CELF4: variants seen among roughly 807,000 people sequenced by gnomAD.
CELF4 encodes the protein CUG-BP- and ETR-3-like factor 4.
A neutral mutation model predicts 59.9 loss-of-function variants in CELF4; 18 were observed. That is an observed-to-expected ratio of 0.30 (90% CI 0.21 to 0.45). CELF4 has a LOEUF of 0.45. Ranked by LOEUF, CELF4 falls within the 20% of genes least tolerant of loss-of-function variation. The probability of loss-of-function intolerance (pLI) is 1.00; values close to 1 mark genes in which losing one functional copy is unlikely to be tolerated. For missense variants in CELF4, 456 were observed against 689.0 expected, an observed-to-expected ratio of 0.66 and a Z score of 3.79; for synonymous variants, 261 against 267.1, an observed-to-expected ratio of 0.98 and a Z score of 0.22.
At chr18:37,364,062 A>G (rs2154561431) in intron 2 of CELF4, among the ~76,000 whole-genome samples, 1 of 152,276 alleles carries the variant, frequency 6.6e-6, no homozygotes, top group South Asian at 2.1e-4. Flanking sequence ...TGCCTGGTGG[A>G]GGTCTTTGTT....
At chr18:37,430,612 G>T (rs1443868403) in intron 2 of CELF4, among the ~76,000 whole-genome samples, 3 of 152,220 alleles carry the variant, frequency 2.0e-5, no homozygotes, top group South Asian at 4.1e-4. Flanking sequence ...TTAGGGCCTG[G>T]TTTTTGCAAA....
chr18:37,370,502 C>T (rs992777444), intron 2 of CELF4, among the ~76,000 whole-genome samples: 13 of 152,188 alleles, frequency 8.5e-5, no homozygotes, highest in African/African-American at 3.1e-4. Flanking sequence ...TACATCCTGA[C>T]AACAGTCCCA....
intron 2 of CELF4, among the ~76,000 whole-genome samples, chr18:37,409,459 C>A (rs1048919290): frequency 1.3e-5 from 2 of 152,188 alleles, no homozygotes; most frequent in Non-Finnish European, 2.9e-5. Context: ...TTTTGGGACA[C>A]CCCTTGCTGT....
intron 3 of CELF4, among the ~76,000 whole-genome samples, chr18:37,293,523 A>G (rs974951367): frequency 6.6e-6 from 1 of 152,056 alleles, no homozygotes; most frequent in Non-Finnish European, 1.5e-5. Flanking sequence ...ACTTGATTAC[A>G]TTTGCAAATA....
chr18:37,458,567 G>A (rs911730634), intron 2 of CELF4, among the ~76,000 whole-genome samples: 2 of 152,214 alleles, frequency 1.3e-5, no homozygotes, highest in Non-Finnish European at 2.9e-5. Flanking sequence ...CAGTATCTCT[G>A]TTATAACTTG....
At chr18:37,385,072 C>T (rs981361401) in intron 2 of CELF4, among the ~76,000 whole-genome samples, 5 of 152,224 alleles carry the variant, frequency 3.3e-5, no homozygotes, top group East Asian at 3.9e-4. Flanking sequence ...CTAGGCTGGG[C>T]GTGGTGGCTC....
At chr18:37,476,753 G>A (rs1166670839) in intron 2 of CELF4, among the ~76,000 whole-genome samples, 2 of 152,118 alleles carry the variant, frequency 1.3e-5, no homozygotes, top group African/African-American at 2.4e-5. Flanking sequence ...TCTCAGCCTC[G>A]TTTTCTGGCG....
At chr18:37,328,044 G>GGA (rs1029903621) in intron 2 of CELF4, among the ~76,000 whole-genome samples, 19 of 152,262 alleles carry the variant, frequency 1.2e-4, no homozygotes, top group African/African-American at 4.6e-4. Flanking sequence ...AGAGAGGGAG[G>GGA]GAGAGAGAGA....
chr18:37,515,262 A>T, intron 1 of CELF4, among the ~76,000 whole-genome samples: 1 of 152,088 alleles, frequency 6.6e-6, no homozygotes, highest in East Asian at 1.9e-4. Flanking sequence ...GCCTCCCTAA[A>T]TGCCTTTCCT....
chr18:37,263,251 T>G (rs2075798586), intron 10 of CELF4, among the ~76,000 whole-genome samples: 1 of 152,190 alleles, frequency 6.6e-6, no homozygotes, highest in African/African-American at 2.4e-5. Context: ...AAAAGGGTTT[T>G]CTCTGAAGGC....
intron 2 of CELF4, among the ~76,000 whole-genome samples, chr18:37,331,789 G>A (rs1172052893): frequency 6.6e-6 from 1 of 152,130 alleles, no homozygotes; most frequent in Admixed American, 6.6e-5. Flanking sequence ...ACCTGGAGGA[G>A]AGTGGAGGGA....
rs144459473 is a variant in CELF4, at chr18:37,426,076, T to C, written c.369+59449A>G. Among the ~76,000 whole-genome samples, 673 of 152,270 alleles carry C rather than the reference T, an allele frequency of 4.4e-3. 2 individuals carry two copies. The highest frequency in any genetic ancestry group is 7.7e-3 in the Non-Finnish European group (522 of 68,012). On this transcript the variant is annotated intron_variant, in intron 2 of 12. Coordinates refer to ENST00000420428, the MANE Select transcript of CELF4 (RefSeq NM_020180.4). ...AGCCCTTGCCCTGGAATCAATGTAG[T>C]CCCAACTCTGGCTATGGGCCTTTCC...
intron 1 of CELF4, among the ~76,000 whole-genome samples, chr18:37,514,679 C>T (rs2099948609): frequency 6.6e-6 from 1 of 152,060 alleles, no homozygotes; most frequent in East Asian, 1.9e-4. Context: ...TAAAAACCTT[C>T]CGGTGATAAT....
At chr18:37,275,271 C>A (rs753662299) in intron 3 of CELF4, 28 bp from the exon 4 acceptor site, 6 of 1,605,758 alleles carry the variant, frequency 3.7e-6, no homozygotes, top group Admixed American at 1.7e-5. Flanking sequence ...GATGCTTACC[C>A]GGGCCAGGGA....
intron 2 of CELF4, among the ~76,000 whole-genome samples, chr18:37,400,302 C>G (rs2099310258): frequency 7.0e-6 from 1 of 142,846 alleles, no homozygotes; most frequent in South Asian, 2.5e-4. Flanking sequence ...TCTAATAAAC[C>G]TTTATATATG....
chr18:37,540,949 T>G (rs2099977363), intron 1 of CELF4, among the ~76,000 whole-genome samples: 2 of 152,014 alleles, frequency 1.3e-5, no homozygotes, highest in Admixed American at 6.6e-5. Context: ...AGTGGGGGCA[T>G]GGGGAAGGAG....
chr18:37,386,855 G>C (rs749107913), intron 2 of CELF4, among the ~76,000 whole-genome samples: 14 of 152,230 alleles, frequency 9.2e-5, no homozygotes, highest in South Asian at 2.1e-4. Flanking sequence ...TATGTACAGA[G>C]TGGGGCTCTG....
rs2061349614 is a variant in CELF4, at chr18:37,244,448, A to C, written c.*794T>G. On this transcript the variant is annotated 3_prime_UTR_variant, in exon 13 of 13. Coordinates refer to ENST00000420428, the MANE Select transcript of CELF4 (RefSeq NM_020180.4). ...GCTCCATCCAGACATAGAATACAGA[A>C]AACCATAGGAAAGTGTCATAGACTT... The C allele has an allele frequency of 6.6e-6, 1 of 152,604 alleles. No homozygotes were observed. Among genetic ancestry groups the C allele is most frequent in the African/African-American group, 2.4e-5 (1 of 41,456 alleles). The allele number at this position is 152,604 out of a possible 1,614,324, so 9.5% of individuals were successfully genotyped here. A position where few individuals can be genotyped will look rare whatever the true frequency, so the allele number is the denominator to read the frequency against.
intron 2 of CELF4, among the ~76,000 whole-genome samples, chr18:37,370,493 A>G (rs2098846354): frequency 6.6e-6 from 1 of 152,176 alleles, no homozygotes; most frequent in Non-Finnish European, 1.5e-5. Context: ...CAGCCTCCCT[A>G]CATCCTGACA....
Sources: allele counts gnomAD v4.1 joint callset (sites outside exome capture counted in the v4.1 genomes callset), GRCh38; gene constraint gnomAD v4.1.1; transcripts MANE v1.5; gene names NCBI Gene and HGNC (gene_info 2026-07-23, HGNC 2026-07-21).